The following ATP2B2 variants were observed in gnomAD, a reference collection of about 807,000 sequenced individuals.
The protein encoded by ATP2B2 is ATPase plasma membrane Ca2+ transporting 2.
ATP2B2 carries 15 observed loss-of-function variants against 120.0 expected under a neutral mutation model. That is an observed-to-expected ratio of 0.12 (90% CI 0.08 to 0.19). The LOEUF (loss-of-function observed/expected upper bound fraction) is 0.19. ATP2B2 is among the 10% of genes least tolerant of loss of function. The probability of loss-of-function intolerance (pLI) is 1.00; values close to 1 mark genes in which losing one functional copy is unlikely to be tolerated. For synonymous variants in ATP2B2, 694 were observed against 700.3 expected, an observed-to-expected ratio of 0.99 and a Z score of 0.14; for missense variants, 1,045 against 1,719.8, an observed-to-expected ratio of 0.61 and a Z score of 6.94.
chr3:10,507,023 G>T (rs2066651512), upstream of ATP2B2, among the ~76,000 whole-genome samples: 1 of 152,230 alleles, frequency 6.6e-6, no homozygotes, highest in African/African-American at 2.4e-5. Context: ...AGACCTCCTT[G>T]CTCCTCAGCC....
At chr3:10,667,053 A>G (rs988238683) in intron 1 of ATP2B2, among the ~76,000 whole-genome samples, 2 of 152,182 alleles carry the variant, frequency 1.3e-5, no homozygotes, top group Non-Finnish European at 2.9e-5. Flanking sequence ...TTGGATACCC[A>G]GGAGATCCTG....
rs1024715078 is a variant in ATP2B2, at chr3:10,458,253, A to G, written c.-319-8391T>C. 2.0e-5 allele frequency among the ~76,000 whole-genome samples: 3 copies of G among 152,198 alleles called. No homozygotes were observed. In the East Asian group the frequency reaches 5.8e-4, roughly 29 times the overall value. On this transcript the variant is annotated intron_variant, in intron 1 of 22. Coordinates refer to ENST00000360273, the MANE Select transcript of ATP2B2 (RefSeq NM_001001331.4). ...GGACTATGAGGAGAGCAAGAGAGAC[A>G]CTCAGATCCTTTTTCCTGCTGTTTA...
intron 1 of ATP2B2, among the ~76,000 whole-genome samples, chr3:10,661,979 G>T (rs2070793425): frequency 6.6e-6 from 1 of 152,026 alleles, no homozygotes; most frequent in Admixed American, 6.5e-5. Flanking sequence ...TGACAAACCT[G>T]ACAAAAACAA....
intron 8 of ATP2B2, among the ~76,000 whole-genome samples, chr3:10,384,825 C>T (rs1026855517): frequency 1.3e-5 from 2 of 152,210 alleles, no homozygotes; most frequent in Admixed American, 6.5e-5. Context: ...CCCCTTGCCT[C>T]GAGGAAATTT....
At chr3:10,688,817 G>A (rs895505420) in intron 1 of ATP2B2, among the ~76,000 whole-genome samples, 2 of 152,224 alleles carry the variant, frequency 1.3e-5, no homozygotes, top group South Asian at 4.1e-4. Context: ...CTTGACTGAG[G>A]ATGGAAATGC....
intron 3 of ATP2B2, among the ~76,000 whole-genome samples, chr3:10,409,651 T>C (rs2062538500): frequency 6.6e-6 from 1 of 152,230 alleles, no homozygotes; most frequent in Non-Finnish European, 1.5e-5. Context: ...TTGAGGTAGT[T>C]GGCCTAATAG....
At chr3:10,479,475 G>A (rs530151187) in intron 1 of ATP2B2, among the ~76,000 whole-genome samples, 5 of 151,822 alleles carry the variant, frequency 3.3e-5, no homozygotes, top group African/African-American at 7.2e-5. Context: ...ATTTACTTAC[G>A]AAATCACACT....
chr3:10,642,395 G>A (rs2070197575), intron 1 of ATP2B2, among the ~76,000 whole-genome samples: 1 of 152,148 alleles, frequency 6.6e-6, no homozygotes, highest in Non-Finnish European at 1.5e-5. Flanking sequence ...CACTGTATTG[G>A]GTGCTGGGTC....
At chr3:10,571,467 G>T (rs2068124559) in intron 2 of ATP2B2, among the ~76,000 whole-genome samples, 1 of 152,234 alleles carries the variant, frequency 6.6e-6, no homozygotes, top group South Asian at 2.1e-4. Flanking sequence ...AGGGGCCGCT[G>T]AACTGGCTGC....
chr3:10,570,708 T>A (rs771145801), intron 2 of ATP2B2, among the ~76,000 whole-genome samples: 1 of 152,214 alleles, frequency 6.6e-6, no homozygotes. Flanking sequence ...AGCAATGACC[T>A]GGCACAAGTC....
rs530067883 is a variant in ATP2B2 at position 10,473,072 on chromosome 3, C to G, written c.-319-23210G>C. On this transcript the variant is annotated intron_variant, in intron 1 of 22. Coordinates refer to ENST00000360273, the MANE Select transcript of ATP2B2 (RefSeq NM_001001331.4). Reference sequence around the variant, plus strand: ...CCTGTACTAATGATCATCTCCATGTCTGTGTCTCTGCTCAGGAACCTTCTG... The same window carrying G: ...CCTGTACTAATGATCATCTCCATGTGTGTGTCTCTGCTCAGGAACCTTCTG... Among the ~76,000 whole-genome samples, 11 of 152,324 alleles carry G rather than the reference C, an allele frequency of 7.2e-5. No individual in the cohort carries two copies. The South Asian group carries it at 2.3e-3, about 32-fold the overall frequency.
intron 1 of ATP2B2, among the ~76,000 whole-genome samples, chr3:10,689,161 G>A (rs958915): frequency 0.028 from 4,259 of 152,278 alleles, 57 homozygotes; most frequent in South Asian, 0.068. Context: ...AAATCCTTGC[G>A]TTACCTGGTG....
intron 12 of ATP2B2, among the ~76,000 whole-genome samples, chr3:10,370,426 T>C (rs1403706917): frequency 6.6e-6 from 1 of 152,140 alleles, no homozygotes; most frequent in Non-Finnish European, 1.5e-5. Context: ...GATTCCCAAA[T>C]TGGGTGGGGT....
At chr3:10,512,473 C>A (rs539434010) in intron 3 of ATP2B2, among the ~76,000 whole-genome samples, 1 of 57,034 alleles carries the variant, frequency 1.8e-5, no homozygotes, top group Non-Finnish European at 3.6e-5. Flanking sequence ...CGCACACACA[C>A]ACACACACAC....
In ATP2B2 at chr3:10,476,555, C is replaced by T. The variant is rs551573514; in HGVS notation, c.-319-26693G>A. Among the ~76,000 whole-genome samples the T allele has an allele frequency of 3.9e-5, 6 of 152,338 alleles. No homozygotes were observed. In the East Asian group the frequency reaches 1.2e-3, roughly 29 times the overall value. On this transcript the variant is annotated intron_variant, in intron 1 of 22. Transcript: ENST00000360273. ...CCAGTAAGGTAAAGCACTAGAGAAT[C>T]ACCCCTCACTGTGAGTCTCCACAGC... is the stretch of plus-strand genomic sequence containing the variant.
intron 1 of ATP2B2, among the ~76,000 whole-genome samples, chr3:10,465,178 G>T (rs1559370804): frequency 6.6e-6 from 1 of 152,210 alleles, no homozygotes; most frequent in African/African-American, 2.4e-5. Flanking sequence ...TTCAAGTCCT[G>T]CCCAGATCCC....
intron 2 of ATP2B2, among the ~76,000 whole-genome samples, chr3:10,572,146 G>A (rs2068142934): frequency 6.6e-6 from 1 of 152,184 alleles, no homozygotes. Context: ...GCAGGCGGAG[G>A]CTCAGAGACA....
chr3:10,419,547 G>A (rs2062902228), intron 2 of ATP2B2, among the ~76,000 whole-genome samples: 1 of 152,346 alleles, frequency 6.6e-6, no homozygotes, highest in South Asian at 2.1e-4. Context: ...TAGATCGGGA[G>A]ACCTGGTTGG....
chr3:10,524,132 G>A (rs1457490242), intron 3 of ATP2B2, among the ~76,000 whole-genome samples: 1 of 152,116 alleles, frequency 6.6e-6, no homozygotes, highest in East Asian at 1.9e-4. Flanking sequence ...CTCTCCAGCT[G>A]ACTTCATTAA....
Sources: allele counts gnomAD v4.1 joint callset (sites outside exome capture counted in the v4.1 genomes callset), GRCh38; gene constraint gnomAD v4.1.1; transcripts MANE v1.5; gene names NCBI Gene and HGNC (gene_info 2026-07-23, HGNC 2026-07-21).